The following SP4 variants were observed in gnomAD, a reference collection of about 807,000 sequenced individuals.
SP4 encodes transcription factor Sp4.
In SP4, 19 loss-of-function variants were observed where a neutral mutation model predicts 72.8. The observed-to-expected ratio is 0.26, with a 90% CI of 0.18 to 0.38. The LOEUF is 0.38. Among genes scored for constraint, SP4 ranks in the 10% least tolerant of loss-of-function variants. The pLI is 1.00. For missense variants in SP4, 1,008 were observed against 926.3 expected, an observed-to-expected ratio of 1.09 and a Z score of -1.14; for synonymous variants, 395 against 333.1, an observed-to-expected ratio of 1.19 and a Z score of -2.02.
chr7:21,476,020 C>T (rs1207632739), intron 3 of SP4, among the ~76,000 whole-genome samples: 1 of 151,934 alleles, frequency 6.6e-6, no homozygotes, highest in African/African-American at 2.4e-5. Flanking sequence ...CCTGTAATTC[C>T]AGCACTTTGG....
intron 3 of SP4, among the ~76,000 whole-genome samples, chr7:21,463,522 G>A (rs1261343498): frequency 6.6e-6 from 1 of 152,174 alleles, no homozygotes; most frequent in East Asian, 1.9e-4. Context: ...GGATTACCAC[G>A]GATGCTAAGC....
intron 3 of SP4, among the ~76,000 whole-genome samples, chr7:21,462,027 GTT>G (rs773196151): frequency 0.023 from 3,012 of 132,726 alleles, 99 homozygotes; most frequent in African/African-American, 0.078. Flanking sequence ...TTTAGTTTTA[GTT>G]TTTTTTTTTT....
At chr7:21,484,304 A>G (rs1485955471) in intron 5 of SP4, among the ~76,000 whole-genome samples, 2 of 151,934 alleles carry the variant, frequency 1.3e-5, no homozygotes, top group Non-Finnish European at 2.9e-5. Context: ...ATACATAAAG[A>G]CTGAAGGTAA....
At chr7:21,448,237 A>G (rs541356067) in intron 3 of SP4, among the ~76,000 whole-genome samples, 2 of 151,998 alleles carry the variant, frequency 1.3e-5, no homozygotes, top group Non-Finnish European at 2.9e-5. Flanking sequence ...AGTTTAGTTG[A>G]GGTCTAGCTC....
chr7:21,430,408 C>A lies in SP4; in HGVS notation c.1243C>A (p.Gln415Lys). 1 of 1,614,210 alleles carries A rather than the reference C, an allele frequency of 6.2e-7. No individual in the cohort carries two copies. The highest frequency in any genetic ancestry group is 8.5e-7 in the Non-Finnish European group (1 of 1,180,046). Residue 415 changes from glutamine (Q) to lysine (K), a missense_variant, in exon 3 of 6, where the codon CAG (glutamine) becomes AAG (lysine). This residue lies in a region of SP4 where 893 missense variants were observed against 743.3 expected (regional missense o/e 1.20). Transcript: ENST00000222584. ...QQIQIQQPQQ[Q>K]IIQAIPPQSF... is the part of the protein sequence containing the mutation. ...GATCCAGATCCAACAGCCTCAGCAA[C>A]AGATCATTCAGGCTATTCCACCACA... is the stretch of plus-strand genomic sequence containing the variant.
intron 5 of SP4, among the ~76,000 whole-genome samples, chr7:21,494,075 G>C (rs1785046452): frequency 6.6e-6 from 1 of 152,082 alleles, no homozygotes; most frequent in Admixed American, 6.6e-5. Flanking sequence ...TAAATATTTG[G>C]CAAAATTCTG....
intron 3 of SP4, among the ~76,000 whole-genome samples, chr7:21,451,734 C>T (rs948923774): frequency 6.6e-6 from 1 of 152,142 alleles, no homozygotes; most frequent in African/African-American, 2.4e-5. Context: ...TGAGGATCAT[C>T]TGGAGCTGGA....
intron 3 of SP4, among the ~76,000 whole-genome samples, chr7:21,445,529 T>G (rs1783392842): frequency 6.6e-6 from 1 of 152,184 alleles, no homozygotes; most frequent in South Asian, 2.1e-4. Flanking sequence ...CATCGCATAT[T>G]GTTCTAGGTG....
At position 21,511,551 on chromosome 7, in the gene SP4, T is replaced by C. The variant is rs1782143254; in HGVS notation, c.*282T>C. On this transcript the variant is annotated 3_prime_UTR_variant, in exon 6 of 6. Coordinates refer to ENST00000222584, the MANE Select transcript of SP4 (RefSeq NM_003112.5). ...CCTTTATACAGAATCTTCCCATCTCTTAATATCATGTGTTAACATGTTTAA... is the reference window on the plus strand; with the variant it reads ...CCTTTATACAGAATCTTCCCATCTCCTAATATCATGTGTTAACATGTTTAA... 3.2e-6 allele frequency: 1 copy of C among 312,924 alleles called. No individual in the cohort carries two copies. Among genetic ancestry groups the C allele is most frequent in the Non-Finnish European group, 5.9e-6 (1 of 168,258 alleles). 19.4% of individuals were successfully genotyped at this position (312,924 alleles called of 1,614,324 possible).
intron 3 of SP4, among the ~76,000 whole-genome samples, chr7:21,446,257 AC>A (rs1783423078): frequency 1.3e-5 from 2 of 152,164 alleles, no homozygotes; most frequent in African/African-American, 4.8e-5. Flanking sequence ...TCCTATCCTT[AC>A]CCTAAGCCAC....
At chr7:21,443,699 G>C (rs1483207445) in intron 3 of SP4, among the ~76,000 whole-genome samples, 2 of 152,196 alleles carry the variant, frequency 1.3e-5, no homozygotes, top group Non-Finnish European at 2.9e-5. Flanking sequence ...GAAAATCCTT[G>C]CTCTGGTCTA....
intron 3 of SP4, among the ~76,000 whole-genome samples, chr7:21,474,217 TCTTTACCAAAATA>T (rs1307004207): frequency 1.3e-5 from 2 of 152,194 alleles, no homozygotes; most frequent in Non-Finnish European, 2.9e-5. Context: ...ATCTAGCAGT[TCTTTACCAAAATA>T]AAGGTCATCT....
intron 3 of SP4, among the ~76,000 whole-genome samples, chr7:21,451,231 G>C (rs73265620): frequency 3.3e-5 from 5 of 152,116 alleles, no homozygotes; most frequent in Admixed American, 2.0e-4. Flanking sequence ...GAGCTCACTC[G>C]TCCAACTCCT....
intron 5 of SP4, among the ~76,000 whole-genome samples, chr7:21,499,386 A>G (rs1023427988): frequency 2.0e-5 from 3 of 152,218 alleles, no homozygotes; most frequent in East Asian, 1.9e-4. Context: ...AAATGAAGCC[A>G]TACTGGATTA....
chr7:21,475,224 G>C (rs10250796), intron 3 of SP4, among the ~76,000 whole-genome samples: 11,075 of 150,572 alleles, frequency 0.074, 661 homozygotes, highest in African/African-American at 0.16. Flanking sequence ...AAGCGATTCT[G>C]CTGCCTCAGC....
intron 5 of SP4, among the ~76,000 whole-genome samples, chr7:21,488,637 A>G (rs1472834931): frequency 6.6e-6 from 1 of 152,052 alleles, no homozygotes. Flanking sequence ...GTGCACACCT[A>G]TAGTCCCAGC....
chr7:21,443,220 G>A (rs1343297294), intron 3 of SP4, among the ~76,000 whole-genome samples: 2 of 152,254 alleles, frequency 1.3e-5, no homozygotes, highest in Admixed American at 1.3e-4. Flanking sequence ...TTCTGATACT[G>A]AACCAGAAGA....
intron 3 of SP4, among the ~76,000 whole-genome samples, chr7:21,456,848 G>A (rs778439895): frequency 2.8e-4 from 42 of 152,304 alleles, no homozygotes; most frequent in Non-Finnish European, 3.8e-4. Context: ...GCCTGATGTA[G>A]ACCCCAAGGT....
chr7:21,493,624 A>G (rs1785033831), intron 5 of SP4, among the ~76,000 whole-genome samples: 1 of 152,226 alleles, frequency 6.6e-6, no homozygotes, highest in African/African-American at 2.4e-5. Flanking sequence ...GAAAGATACA[A>G]GCTACCAACA....
Sources: allele counts gnomAD v4.1 joint callset (sites outside exome capture counted in the v4.1 genomes callset), GRCh38; gene constraint gnomAD v4.1.1; regional missense constraint gnomAD v4.1.1; transcripts MANE v1.5; gene names NCBI Gene and HGNC (gene_info 2026-07-23, HGNC 2026-07-21).